Variants in EFHC1 observed in about 807,000 individuals in gnomAD.
EFHC1 encodes the protein EF-hand domain containing 1, also known as EF-hand domain-containing protein 1.
Under a neutral mutation model 69.9 loss-of-function variants are expected in EFHC1, and 53 were observed. That is an observed-to-expected ratio of 0.76 (90% confidence interval 0.61 to 0.95). EFHC1 has a LOEUF of 0.95. Among genes scored for constraint, EFHC1 ranks in the 40% least tolerant of loss-of-function variants. The pLI, the probability that EFHC1 is intolerant of heterozygous loss-of-function variation, is 0.00. For synonymous variants in EFHC1, 256 were observed against 278.4 expected, an observed-to-expected ratio of 0.92 and a Z score of 0.80; for missense variants, 739 against 798.7, an observed-to-expected ratio of 0.93 and a Z score of 0.90.
rs763313820 is a variant in EFHC1, at chr6:52,479,705, G to A, written c.1558G>A (p.Ala520Thr). The change falls in exon 9 of 11, where the codon GCT becomes ACT. Residue 520 changes from alanine (A) to threonine (T), a missense_variant. Coordinates refer to ENST00000371068, the MANE Select transcript of EFHC1 (RefSeq NM_018100.4). ...EYVLKYMESN[A>T]AQYSPEALAS... ...TGTTTTGAAATACATGGAGAGCAAC[G>A]CTGCCCAGTATTCACCAGAAGCACT... 1.9e-6 allele frequency: 3 copies of A among 1,614,078 alleles called. No individual in the cohort carries two copies. The highest frequency in any genetic ancestry group is 2.5e-6 in the Non-Finnish European group (3 of 1,180,048).
At position 52,452,699 on chromosome 6, in the gene EFHC1, A is replaced by C. The variant is rs1581829463; in HGVS notation, c.585A>C (p.Glu195Asp). ...DCDQFTQVFL[E>D]SQGIELNPPE... ...TTTCAATTATTTAGGTATTTTTAGA[A>C]AGCCAAGGAATTGAGTTAAATCCAC... Residue 195 changes from glutamate to aspartate, a missense_variant, in exon 4 of 11, where the codon GAA becomes GAC. Physicochemically the swap from Glu to Asp is conservative, Grantham distance 45. Coordinates refer to ENST00000371068, the MANE Select transcript of EFHC1 (RefSeq NM_018100.4). 7.4e-6 allele frequency: 12 copies of C among 1,614,202 alleles called. No homozygotes were observed. The highest frequency in any genetic ancestry group is 7.6e-6 in the Non-Finnish European group (9 of 1,180,028).
At chr6:52,439,616 A>G (rs1764614855) in intron 3 of EFHC1, among the ~76,000 whole-genome samples, 1 of 152,162 alleles carries the variant, frequency 6.6e-6, no homozygotes, top group Non-Finnish European at 1.5e-5. Flanking sequence ...ATGTCAGATG[A>G]TGATAACAGC....
chr6:52,464,800 C>T, intron 5 of EFHC1, 95 bp from the exon 6 acceptor site: 1 of 1,049,560 alleles, frequency 9.5e-7, no homozygotes, highest in South Asian at 1.3e-5. Context: ...GACTGCACTC[C>T]CTCAGGTTCT....
intron 5 of EFHC1, among the ~76,000 whole-genome samples, chr6:52,456,664 G>A (rs539768966): frequency 3.3e-5 from 5 of 152,238 alleles, no homozygotes; most frequent in East Asian, 1.9e-4. Context: ...CTATAATCCC[G>A]TCACTTTGGG....
chr6:52,455,609 G>A (rs932192669), intron 5 of EFHC1, among the ~76,000 whole-genome samples: 4 of 151,920 alleles, frequency 2.6e-5, no homozygotes, highest in African/African-American at 7.2e-5. Flanking sequence ...AGCCAAGATC[G>A]TGCCACTGCA....
At chr6:52,490,460 T>G in intron 10 of EFHC1, 110 bp downstream of exon 10, 1 of 907,206 alleles carries the variant, frequency 1.1e-6, no homozygotes, top group Non-Finnish European at 1.8e-6. Context: ...ATTTAGGATG[T>G]TCAGATCAGA....
Position 52,496,803 on chromosome 6 carries a change from G to GCAAA in EFHC1, c.*4465_*4468dup, listed in dbSNP as rs1766074577. 6.6e-6 allele frequency: 1 copy of GCAAA among 152,164 alleles called. No homozygotes were observed. The highest frequency in any genetic ancestry group is 1.5e-5 in the Non-Finnish European group (1 of 68,044). 9.4% of individuals were successfully genotyped at this position (152,164 alleles called of 1,614,324 possible). On this transcript the variant is annotated 3_prime_UTR_variant, in exon 11 of 11. Coordinates refer to ENST00000371068, the MANE Select transcript of EFHC1 (RefSeq NM_018100.4). ...TCAGAACCACTCACCTTCACCTCAA[G>GCAAA]CAAACATTTCCTCTTTCTCACACCC...
At chr6:52,467,110 A>C (rs1353323182) in intron 6 of EFHC1, among the ~76,000 whole-genome samples, 3 of 152,116 alleles carry the variant, frequency 2.0e-5, no homozygotes, top group Admixed American at 1.3e-4. Context: ...AAGGATGGTT[A>C]TCTAACCAGG....
At chr6:52,453,196 A>G in intron 4 of EFHC1, 2 of 1,310,354 alleles carry the variant, frequency 1.5e-6, no homozygotes, top group Non-Finnish European at 2.0e-6. Context: ...GTGAAACCAT[A>G]AATCGATTAT....
intron 5 of EFHC1, among the ~76,000 whole-genome samples, chr6:52,455,049 G>C (rs1765011231): frequency 6.6e-6 from 1 of 151,898 alleles, no homozygotes. Context: ...CTGTGATTGT[G>C]GTGCTGCACT....
intron 3 of EFHC1, among the ~76,000 whole-genome samples, chr6:52,444,259 T>A (rs536179231): frequency 6.6e-6 from 1 of 152,334 alleles, no homozygotes; most frequent in East Asian, 1.9e-4. Context: ...CTTCCTCTTT[T>A]CCTAATTGAA....
chr6:52,439,558 C>T (rs574321389), intron 3 of EFHC1, among the ~76,000 whole-genome samples: 17 of 152,198 alleles, frequency 1.1e-4, no homozygotes, highest in Middle Eastern at 3.4e-3. Context: ...ATAGAGGTTC[C>T]AATCTTGTTG....
intron 3 of EFHC1, among the ~76,000 whole-genome samples, chr6:52,452,207 G>T (rs933329881): frequency 6.6e-6 from 1 of 152,224 alleles, no homozygotes; most frequent in African/African-American, 2.4e-5. Context: ...TATGGAGTTG[G>T]CTCAGTTGGA....
chr6:52,474,088 G>A (rs1033055493), intron 7 of EFHC1, among the ~76,000 whole-genome samples: 7 of 152,060 alleles, frequency 4.6e-5, no homozygotes, highest in South Asian at 2.1e-4. Flanking sequence ...TTTGGGAGGC[G>A]GAGGCAGGAA....
chr6:52,448,645 G>A (rs936086853), intron 3 of EFHC1, among the ~76,000 whole-genome samples: 59 of 152,272 alleles, frequency 3.9e-4, no homozygotes, highest in African/African-American at 1.3e-3. Flanking sequence ...GCTCATGCTG[G>A]GAGCTTCAGA....
At position 52,420,403 on chromosome 6, in the gene EFHC1, C is replaced by T. The variant is rs747817542; in HGVS notation, c.-8C>T. On this transcript the variant is annotated 5_prime_UTR_variant, in exon 1 of 11. Coordinates refer to ENST00000371068, the MANE Select transcript of EFHC1 (RefSeq NM_018100.4). ...AGGACCTAGGTGGCGGCGGTGGTACCGGCTGCAATGGTGTCCAATCCCGTG... is the reference window on the plus strand; with the variant it reads ...AGGACCTAGGTGGCGGCGGTGGTACTGGCTGCAATGGTGTCCAATCCCGTG... 6 of 1,614,114 alleles carry T rather than the reference C, an allele frequency of 3.7e-6. No homozygotes were observed. The highest frequency in any genetic ancestry group is 5.1e-6 in the Non-Finnish European group (6 of 1,180,048).
At chr6:52,453,710 AT>A (rs891017664) in intron 4 of EFHC1, 4 of 1,250,056 alleles carry the variant, frequency 3.2e-6, no homozygotes, top group Non-Finnish European at 4.1e-6. Context: ...ATAAATAAAA[AT>A]TTTTTCTACA....
intron 1 of EFHC1, among the ~76,000 whole-genome samples, chr6:52,423,458 G>A (rs1297924873): frequency 6.6e-6 from 1 of 152,056 alleles, no homozygotes; most frequent in Admixed American, 6.6e-5. Context: ...TCTTGTTCAA[G>A]TGTTTTAACT....
At chr6:52,457,828 G>A (rs902907975) in intron 5 of EFHC1, among the ~76,000 whole-genome samples, 4 of 152,144 alleles carry the variant, frequency 2.6e-5, no homozygotes, top group Non-Finnish European at 5.9e-5. Context: ...TAGACCTTTA[G>A]TGTTCCAGAA....
Sources: gnomAD v4.1 joint callset for allele counts (sites outside exome capture counted in the v4.1 genomes callset) on GRCh38, gnomAD v4.1.1 for gene constraint, MANE v1.5 for transcripts, NCBI Gene and HGNC (gene_info 2026-07-23, HGNC 2026-07-21) for gene names.